The following SYNE1 variants were observed in gnomAD, a reference collection of about 807,000 sequenced individuals.
The protein encoded by SYNE1 is spectrin repeat containing nuclear envelope protein 1.
In SYNE1, 616 loss-of-function variants were observed where a neutral mutation model predicts 1,111.0. That is an observed-to-expected ratio of 0.55 (90% CI 0.52 to 0.59). The LOEUF (loss-of-function observed/expected upper bound fraction) is 0.59, where lower values mean the gene tolerates loss of function less well. SYNE1 is among the 20% of genes least tolerant of loss of function. The pLI, the probability that SYNE1 is intolerant of heterozygous loss-of-function variation, is 0.00. For synonymous variants in SYNE1, 3,855 were observed against 3,825.8 expected (o/e 1.01, Z -0.28); for missense variants, 10,006 against 10,417.0 (o/e 0.96, Z 1.72).
chr6:152,208,528 G>A (rs1027191515), intron 124 of SYNE1, among the ~76,000 whole-genome samples: 1 of 152,128 alleles, frequency 6.6e-6, no homozygotes, highest in African/African-American at 2.4e-5. Flanking sequence ...GGTGCAACGG[G>A]AATAGCTGCA....
intron 100 of SYNE1, among the ~76,000 whole-genome samples, chr6:152,263,871 G>A (rs1232820139): frequency 6.6e-6 from 1 of 151,660 alleles, no homozygotes; most frequent in African/African-American, 2.4e-5. Context: ...CATGCATAAG[G>A]CCTATAACCC....
At chr6:152,559,926 GAT>G (rs2099389509) in intron 3 of SYNE1, among the ~76,000 whole-genome samples, 1 of 152,102 alleles carries the variant, frequency 6.6e-6, no homozygotes. Context: ...TAAAATAAGA[GAT>G]ATTACAACTG....
At chr6:152,520,348 G>A in intron 6 of SYNE1, 111 bp downstream of exon 6, 1 of 1,044,358 alleles carries the variant, frequency 9.6e-7, no homozygotes, top group Non-Finnish European at 1.5e-6. Context: ...TGTCTAGGCT[G>A]TATAGATTAC....
chr6:152,226,009 G>A (rs781158230), intron 115 of SYNE1, 133 bp from the exon 116 acceptor site: 1 of 855,252 alleles, frequency 1.2e-6, no homozygotes, highest in Admixed American at 2.7e-5. Context: ...TTTCAGAAGA[G>A]GCACGCTGCA....
intron 3 of SYNE1, among the ~76,000 whole-genome samples, chr6:152,600,051 G>A (rs1195995389): frequency 6.6e-6 from 1 of 152,188 alleles, no homozygotes; most frequent in East Asian, 1.9e-4. Flanking sequence ...GTGCCAACAA[G>A]AGCCAGCAAA....
chr6:152,344,039 A>G, intron 74 of SYNE1, 42 bp downstream of exon 74: 1 of 1,613,588 alleles, frequency 6.2e-7, no homozygotes, highest in Non-Finnish European at 8.5e-7. Context: ...TGACGCTCTG[A>G]ATGATTCACA....
intron 74 of SYNE1, among the ~76,000 whole-genome samples, chr6:152,343,810 C>T (rs187400154): frequency 2.3e-4 from 35 of 151,714 alleles, no homozygotes; most frequent in Middle Eastern, 6.9e-3. Flanking sequence ...TCAAGTGATT[C>T]GCCCGTTTTG....
chr6:152,337,883 C>G (rs12660148), intron 75 of SYNE1, among the ~76,000 whole-genome samples: 2 of 152,032 alleles, frequency 1.3e-5, no homozygotes, highest in Non-Finnish European at 2.9e-5. Context: ...AATGGTGGCT[C>G]GTGTCTGTAA....
chr6:152,392,421 T>C (rs2097658516), intron 51 of SYNE1, among the ~76,000 whole-genome samples: 1 of 152,186 alleles, frequency 6.6e-6, no homozygotes, highest in South Asian at 2.1e-4. Flanking sequence ...TCCCATTTTA[T>C]AGAGTTCTGA....
chr6:152,584,570 T>C (rs2128455598), intron 3 of SYNE1, among the ~76,000 whole-genome samples: 1 of 152,176 alleles, frequency 6.6e-6, no homozygotes, highest in East Asian at 1.9e-4. Context: ...GCCCAACTAA[T>C]TTTTTTGATT....
At chr6:152,472,248 G>A (rs1050589328) in intron 15 of SYNE1, 53 bp downstream of exon 15, 32 of 1,408,902 alleles carry the variant, frequency 2.3e-5, no homozygotes, top group East Asian at 4.6e-5. Context: ...TATAAAAAGC[G>A]TCCACCTAGT....
At position 152,227,422 on chromosome 6, in the gene SYNE1, ACACT is replaced by A. The variant is rs988309463; in HGVS notation, c.21196-1550_21196-1547del. 2.6e-4 allele frequency among the ~76,000 whole-genome samples: 40 copies of A among 152,246 alleles called. 1 individual carries two copies. The South Asian group carries it at 5.2e-3, about 20-fold the overall frequency. On this transcript the variant is annotated intron_variant, in intron 115 of 145. Coordinates refer to ENST00000367255, the MANE Select transcript of SYNE1 (RefSeq NM_182961.4). ...ATTTTTGTTTTGGTTAATTAGTTAG[ACACT>A]CACGCATTTGGCAGCTTAAAGTGAT...
intron 131 of SYNE1, among the ~76,000 whole-genome samples, chr6:152,161,129 A>C (rs1586559720): frequency 6.7e-6 from 1 of 149,924 alleles, no homozygotes; most frequent in Admixed American, 6.7e-5. Flanking sequence ...CCCCCAAAAA[A>C]GAATAAAGAA....
At chr6:152,587,102 T>G (rs892116429) in intron 3 of SYNE1, among the ~76,000 whole-genome samples, 5 of 152,216 alleles carry the variant, frequency 3.3e-5, no homozygotes, top group African/African-American at 7.2e-5. Context: ...CAGAGTGGTA[T>G]GTATCAGTCT....
intron 3 of SYNE1, among the ~76,000 whole-genome samples, chr6:152,585,001 C>T (rs549639874): frequency 2.0e-5 from 3 of 152,164 alleles, no homozygotes; most frequent in African/African-American, 7.2e-5. Flanking sequence ...TTGTAGTTCC[C>T]GTAATCCCTA....
Position 152,449,575 on chromosome 6 carries a change from G to A in SYNE1, c.3462C>T (p.Ala1154=), listed in dbSNP as rs1485702967. The change falls in exon 28 of 146, where the codon GCC becomes GCT. Residue 1154 remains alanine (A), a synonymous_variant. Coordinates refer to ENST00000367255, the MANE Select transcript of SYNE1 (RefSeq NM_182961.4). ...ETQLKGIKGE[A]IDTANHGEVK... is the part of the protein sequence containing the mutation. ...CCTCTCCGTGGTTGGCAGTATCGAT[G>A]GCCTCACCCTTGATCCCCTTTAATT... 7 of 1,613,796 alleles carry A rather than the reference G, an allele frequency of 4.3e-6. No homozygotes were observed. The highest frequency in any genetic ancestry group is 5.9e-6 in the Non-Finnish European group (7 of 1,179,972).
At chr6:152,631,260 A>G (rs1287228813) in intron 2 of SYNE1, among the ~76,000 whole-genome samples, 1 of 152,136 alleles carries the variant, frequency 6.6e-6, no homozygotes, top group African/African-American at 2.4e-5. Flanking sequence ...CATACGAAAG[A>G]CACATCCTGG....
chr6:152,546,970 A>C (rs2099316732), intron 3 of SYNE1: 1 of 151,958 alleles, frequency 6.6e-6, no homozygotes, highest in Non-Finnish European at 1.5e-5. Context: ...AGAAAAGAAA[A>C]GAAAAGAAAA....
intron 115 of SYNE1, among the ~76,000 whole-genome samples, chr6:152,226,815 C>T (rs915633477): frequency 2.6e-5 from 4 of 152,184 alleles, no homozygotes; most frequent in East Asian, 1.9e-4. Flanking sequence ...CAGAAGGAGT[C>T]GGCTGAACCT....
Sources: gnomAD v4.1 joint callset for allele counts (sites outside exome capture counted in the v4.1 genomes callset) on GRCh38, gnomAD v4.1.1 for gene constraint, MANE v1.5 for transcripts, NCBI Gene and HGNC (gene_info 2026-07-23, HGNC 2026-07-21) for gene names.